Variants in ADGRD1 observed in about 807,000 individuals in gnomAD.
The protein encoded by ADGRD1 is adhesion G protein-coupled receptor D1.
ADGRD1 carries 77 observed loss-of-function variants against 113.4 expected under a neutral mutation model. The observed-to-expected ratio is 0.68, with a 90% CI of 0.57 to 0.82. The LOEUF is 0.82. ADGRD1 is among the 40% of genes least tolerant of loss of function. ADGRD1 has a pLI of 0.00. For synonymous variants in ADGRD1, 474 were observed against 475.0 expected (o/e 1.00, Z 0.03); for missense variants, 1,036 against 1,139.1 (o/e 0.91, Z 1.30).
intron 13 of ADGRD1, among the ~76,000 whole-genome samples, chr12:131,035,945 C>T (rs774911804): frequency 3.9e-5 from 6 of 152,258 alleles, no homozygotes; most frequent in Non-Finnish European, 7.4e-5. Context: ...TGATTCACAC[C>T]CAAGCCAAAA....
At chr12:131,042,381 T>C (rs1183537902) in intron 13 of ADGRD1, among the ~76,000 whole-genome samples, 1 of 152,174 alleles carries the variant, frequency 6.6e-6, no homozygotes. Flanking sequence ...GCGTTCTTGC[T>C]GCCCCGACAC....
intron 13 of ADGRD1, chr12:131,024,446 T>C (rs1175835952): frequency 6.6e-6 from 1 of 152,238 alleles, no homozygotes; most frequent in Non-Finnish European, 1.5e-5. Context: ...TTGGAAACAT[T>C]TCAGTCATGT....
intron 2 of ADGRD1, among the ~76,000 whole-genome samples, chr12:130,959,337 T>C (rs905962588): frequency 6.6e-6 from 1 of 152,172 alleles, no homozygotes; most frequent in Non-Finnish European, 1.5e-5. Flanking sequence ...TTTGGGAGCC[T>C]GAGCCAGGAG....
intron 13 of ADGRD1, among the ~76,000 whole-genome samples, chr12:131,067,089 T>G (rs1884782201): frequency 1.3e-5 from 2 of 151,416 alleles, no homozygotes; most frequent in South Asian, 4.2e-4. Flanking sequence ...ATGGGGGGCT[T>G]GCTGACAGGG....
intron 13 of ADGRD1, among the ~76,000 whole-genome samples, chr12:131,019,891 G>GAA (rs1457918442): frequency 4.8e-4 from 29 of 60,022 alleles, no homozygotes; most frequent in Middle Eastern, 0.01. Flanking sequence ...ATATTCCAGG[G>GAA]GCAGGACCCT....
chr12:131,117,862 T>A (rs1383895408), intron 18 of ADGRD1, among the ~76,000 whole-genome samples: 1 of 152,250 alleles, frequency 6.6e-6, no homozygotes, highest in African/African-American at 2.4e-5. Context: ...AGAACAGGGC[T>A]TCTCAACCAA....
chr12:131,133,973 T>C (rs958274521), intron 21 of ADGRD1, among the ~76,000 whole-genome samples: 2 of 152,326 alleles, frequency 1.3e-5, no homozygotes, highest in Admixed American at 1.3e-4. Flanking sequence ...TTCACTTCCC[T>C]GCCACCCCCC....
chr12:131,029,465 C>T (rs1880357859), intron 13 of ADGRD1, among the ~76,000 whole-genome samples: 1 of 152,142 alleles, frequency 6.6e-6, no homozygotes, highest in South Asian at 2.1e-4. Flanking sequence ...GTGACATTCC[C>T]AGGCTCTGGG....
At chr12:130,987,650 AGT>A in intron 6 of ADGRD1, 1 of 417,742 alleles carries the variant, frequency 2.4e-6, no homozygotes, top group Non-Finnish European at 4.4e-6. Context: ...CAGATCCATT[AGT>A]GTTTTTGATC....
chr12:131,042,127 TA>T (rs369251236), intron 13 of ADGRD1, among the ~76,000 whole-genome samples: 1 of 152,254 alleles, frequency 6.6e-6, no homozygotes, highest in Admixed American at 6.5e-5. Flanking sequence ...CCCACAGGGA[TA>T]TTTTTTTACA....
intron 15 of ADGRD1, among the ~76,000 whole-genome samples, chr12:131,093,794 C>T (rs1566103522): frequency 6.6e-6 from 1 of 152,240 alleles, no homozygotes; most frequent in East Asian, 1.9e-4. Flanking sequence ...ACACAGGTCC[C>T]TCCCAGTGAT....
At chr12:131,130,934 C>T (rs947062090) in intron 20 of ADGRD1, among the ~76,000 whole-genome samples, 1 of 152,220 alleles carries the variant, frequency 6.6e-6, no homozygotes, top group African/African-American at 2.4e-5. Context: ...CCTGAGAGTT[C>T]ACACAGAGGA....
intron 15 of ADGRD1, among the ~76,000 whole-genome samples, chr12:131,085,912 C>T (rs545934854): frequency 2.0e-5 from 3 of 152,224 alleles, no homozygotes; most frequent in Non-Finnish European, 2.9e-5. Context: ...TTTAGAGCCT[C>T]ATGTGCTCAT....
In ADGRD1 at chr12:130,954,581, G is replaced by C. The variant is rs1869286369; in HGVS notation, c.67-43G>C. 6.2e-7 allele frequency: 1 copy of C among 1,613,948 alleles called. No individual in the cohort carries two copies. The highest frequency in any genetic ancestry group is 2.2e-5 in the East Asian group (1 of 44,870). On this transcript the variant is annotated intron_variant, in intron 1 of 24. Transcript: ENST00000261654. The surrounding 1 kb of genome is among the most constrained non-coding windows in gnomAD (Gnocchi z 4.7). ...GGCGACAGGCTTGGTTTCTCCGGAG[G>C]CTTTCCCTGAGTGTGTCTCACACTG... is the stretch of plus-strand genomic sequence containing the variant.
intron 21 of ADGRD1, among the ~76,000 whole-genome samples, chr12:131,135,592 C>T (rs1327196874): frequency 2.0e-5 from 3 of 152,184 alleles, no homozygotes; most frequent in Non-Finnish European, 2.9e-5. Flanking sequence ...TGGCCATGGC[C>T]TCATTTCAGG....
intron 12 of ADGRD1, among the ~76,000 whole-genome samples, chr12:131,007,153 G>A (rs1157269006): frequency 6.6e-6 from 1 of 152,254 alleles, no homozygotes; most frequent in Non-Finnish European, 1.5e-5. Context: ...AAAGGCGGGA[G>A]GATTGCTTCC....
chr12:131,044,706 C>T (rs1425624277), intron 13 of ADGRD1, among the ~76,000 whole-genome samples: 1 of 152,164 alleles, frequency 6.6e-6, no homozygotes, highest in African/African-American at 2.4e-5. Context: ...TTTAGATTTG[C>T]ACCCATTGGA....
chr12:131,104,812 T>G lies in ADGRD1; in HGVS notation c.1672-19T>G. ...GGTGCCTGGGCCTGCTGCTGACGCC[T>G]CTGCTCTGCTCCCCGCAGCTTGCAC... On this transcript the variant is annotated intron_variant, in intron 15 of 24. Coordinates refer to ENST00000261654, the MANE Select transcript of ADGRD1 (RefSeq NM_198827.5). The G allele has an allele frequency of 6.5e-7, 1 of 1,535,316 alleles. No homozygotes were observed. The highest frequency in any genetic ancestry group is 2.5e-5 in the East Asian group (1 of 40,754).
At chr12:131,131,690 GC>G (rs754473324) in intron 20 of ADGRD1, 34 bp from the exon 21 acceptor site, 62 of 1,458,804 alleles carry the variant, frequency 4.3e-5, no homozygotes, top group Middle Eastern at 1.7e-4. Flanking sequence ...TGCAGCCCAG[GC>G]CCCCCTCACC....
Sources: allele counts gnomAD v4.1 joint callset (sites outside exome capture counted in the v4.1 genomes callset), GRCh38; gene constraint gnomAD v4.1.1; non-coding constraint Gnocchi (gnomAD v3.1); transcripts MANE v1.5; gene names NCBI Gene and HGNC (gene_info 2026-07-23, HGNC 2026-07-21).